Variants in ARAP3 observed in about 807,000 individuals in gnomAD.
ARAP3 encodes arf-GAP with Rho-GAP domain, ANK repeat and PH domain-containing protein 3.
ARAP3 carries 82 observed loss-of-function variants against 169.2 expected under a neutral mutation model. The ratio of observed to expected loss-of-function variants is 0.48; its 90% CI spans 0.41 to 0.58. The LOEUF is 0.58. ARAP3 is among the 20% of genes least tolerant of loss of function. The pLI is 0.00. For synonymous variants in ARAP3, 791 were observed against 800.3 expected (o/e 0.99, Z 0.20); for missense variants, 1,764 against 2,018.0 (o/e 0.87, Z 2.41).
At chr5:141,677,431 C>G (rs2099912324) in intron 4 of ARAP3, among the ~76,000 whole-genome samples, 1 of 152,186 alleles carries the variant, frequency 6.6e-6, no homozygotes, top group Admixed American at 6.5e-5. Context: ...TACTGGTCAG[C>G]ACCAGCTCAG....
chr5:141,674,692 G>A (rs1245109984), intron 4 of ARAP3, among the ~76,000 whole-genome samples: 2 of 152,180 alleles, frequency 1.3e-5, no homozygotes, highest in South Asian at 2.1e-4. Context: ...GTATGACTTG[G>A]ATGGAAAAGA....
At chr5:141,666,049 A>AT (rs1554224237) in intron 17 of ARAP3, among the ~76,000 whole-genome samples, 24 of 145,740 alleles carry the variant, frequency 1.6e-4, no homozygotes, top group Admixed American at 6.2e-4. Flanking sequence ...CAAAAAAAAA[A>AT]AAAAATAATA....
Position 141,664,948 on chromosome 5 carries a change from G to T in ARAP3, c.2774C>A (p.Ala925Asp). The T allele has an allele frequency of 6.2e-7, 1 of 1,610,206 alleles. No homozygotes were observed. Among genetic ancestry groups the T allele is most frequent in the Non-Finnish European group, 8.5e-7 (1 of 1,179,496 alleles). Reference protein sequence around the residue: ...SRGDIPIIVDACISFVTQHGL... With the variant: ...SRGDIPIIVDDCISFVTQHGL... ...ATGCTGGGTAACAAAACTGATGCAGGCATCCACGATGATGGGGATGTCACC... is the reference window on the plus strand; with the variant it reads ...ATGCTGGGTAACAAAACTGATGCAGTCATCCACGATGATGGGGATGTCACC... The change falls in exon 19 of 33, where the codon GCC becomes GAC. Residue 925 changes from alanine (A) to aspartate (D), a missense_variant. Transcript: ENST00000239440.
chr5:141,658,489 G>A lies in ARAP3; in HGVS notation c.3412-10C>T, dbSNP rs768350145. 2 of 1,613,952 alleles carry A rather than the reference G, an allele frequency of 1.2e-6. No homozygotes were observed. The highest frequency in any genetic ancestry group is 1.7e-6 in the Non-Finnish European group (2 of 1,179,976). On this transcript the variant is annotated splice_polypyrimidine_tract_variant and intron_variant, in intron 24 of 32. Coordinates refer to ENST00000239440, the MANE Select transcript of ARAP3 (RefSeq NM_022481.6). ...TCAGGGTTGGGGACACCTGGGGTCA[G>A]GGCAAGAGCAGAGAATTCATGCTGG...
chr5:141,677,577 A>G (rs2099912344), intron 4 of ARAP3, among the ~76,000 whole-genome samples: 1 of 152,084 alleles, frequency 6.6e-6, no homozygotes, highest in Non-Finnish European at 1.5e-5. Context: ...TCTCACCTAC[A>G]TTACTACAAA....
Position 141,671,561 on chromosome 5 carries a change from C to G in ARAP3, c.1854+9G>C. On this transcript the variant is annotated intron_variant, in intron 12 of 32. Coordinates refer to ENST00000239440, the MANE Select transcript of ARAP3 (RefSeq NM_022481.6). The surrounding 1 kb of genome is among the most constrained non-coding windows in gnomAD (Gnocchi z 4.9). ...CCACCCCAGATCACCCCTGCTCTGT[C>G]CCTCCTACCTGGAGAAGCTGGCTAT... 1 of 1,613,834 alleles carries G rather than the reference C, an allele frequency of 6.2e-7. No individual in the cohort carries two copies. The highest frequency in any genetic ancestry group is 8.5e-7 in the Non-Finnish European group (1 of 1,179,874).
Position 141,671,156 on chromosome 5 carries a change from C to A in ARAP3, c.1990+109G>T, listed in dbSNP as rs2099911386. On this transcript the variant is annotated intron_variant, in intron 13 of 32. Transcript: ENST00000239440. The surrounding 1 kb of genome is among the most constrained non-coding windows in gnomAD (Gnocchi z 4.9). ...AGGATCTGAGGGTTTGGGAAACTGC[C>A]CAGGCTGGGCCATTGTGATCAGCTA... 2 of 1,432,044 alleles carry A rather than the reference C, an allele frequency of 1.4e-6. No individual in the cohort carries two copies. The highest frequency in any genetic ancestry group is 1.9e-6 in the Non-Finnish European group (2 of 1,056,656). The allele number at this position is 1,432,044 out of a possible 1,614,324, so 88.7% of individuals were successfully genotyped here. A position where few individuals can be genotyped will look rare whatever the true frequency, so the allele number is the denominator to read the frequency against.
At chr5:141,662,393 G>T (rs1044911291) in intron 19 of ARAP3, 138 bp from the exon 20 acceptor site, 11 of 795,072 alleles carry the variant, frequency 1.4e-5, no homozygotes, top group Non-Finnish European at 2.0e-5. Flanking sequence ...ATGCCTCCAT[G>T]TTCTTGATTC....
Position 141,659,846 on chromosome 5 carries a change from T to A in ARAP3, c.3200A>T (p.Asp1067Val). Residue 1067 changes from aspartate (D) to valine (V), a missense_variant, in exon 22 of 33, where the codon GAT becomes GTT. Asp to Val is a radical substitution (Grantham distance 152). Transcript: ENST00000239440. Reference sequence around the variant, plus strand: ...TCGCACCTCGTGCTCCCCTCGCCCATCCGTCTGGAACACGCTGGGTGCAAA... The same window carrying A: ...TCGCACCTCGTGCTCCCCTCGCCCAACCGTCTGGAACACGCTGGGTGCAAA... ...LLFAPSVFQT[D>V]GRGEHEVRVL... 1 of 1,607,744 alleles carries A rather than the reference T, an allele frequency of 6.2e-7. No individual in the cohort carries two copies. Among genetic ancestry groups the A allele is most frequent in the Non-Finnish European group, 8.5e-7 (1 of 1,177,658 alleles).
At position 141,672,735 on chromosome 5, in the gene ARAP3, C is replaced by T. The variant is rs2099911613; in HGVS notation, c.1278+6G>A. The T allele has an allele frequency of 1.9e-6, 3 of 1,614,212 alleles. No individual in the cohort carries two copies. The African/African-American group carries it at 4.0e-5, about 22-fold the overall frequency. ...GGCCCCTCAGCCCTGGCCCGGCTCTCCTCACCTGCTCACTCTTGTACAGTG... is the reference window on the plus strand; with the variant it reads ...GGCCCCTCAGCCCTGGCCCGGCTCTTCTCACCTGCTCACTCTTGTACAGTG... On this transcript the variant is annotated splice_donor_region_variant and intron_variant, in intron 8 of 32. Coordinates refer to ENST00000239440, the MANE Select transcript of ARAP3 (RefSeq NM_022481.6). This position sits in a 1 kb window ranked among gnomAD's most constrained non-coding sequence, Gnocchi z 4.9.
At chr5:141,658,909 C>T (rs1445446831) in intron 23 of ARAP3, among the ~76,000 whole-genome samples, 15 of 152,166 alleles carry the variant, frequency 9.9e-5, no homozygotes, top group Admixed American at 9.8e-4. Context: ...CTCTCTGCCA[C>T]TCGCTACAGG....
intron 31 of ARAP3, 58 bp downstream of exon 31, chr5:141,655,563 G>A (rs1021915849): frequency 6.2e-7 from 1 of 1,612,360 alleles, no homozygotes; most frequent in African/African-American, 1.3e-5. Flanking sequence ...ACTGCCTACT[G>A]CAATGTGACA....
intron 16 of ARAP3, among the ~76,000 whole-genome samples, chr5:141,667,464 G>C (rs181461789): frequency 6.8e-5 from 9 of 133,182 alleles, no homozygotes; most frequent in Non-Finnish European, 1.3e-4. Context: ...ATGGAGTTTT[G>C]CTCTTCTCTC....
At chr5:141,657,071 T>A (rs1322489574) in intron 25 of ARAP3, among the ~76,000 whole-genome samples, 3 of 152,094 alleles carry the variant, frequency 2.0e-5, no homozygotes, top group Non-Finnish European at 2.9e-5. Context: ...GACAAAAAAA[T>A]AATTGCAGAC....
chr5:141,672,025 G>A lies in ARAP3; in HGVS notation c.1586-45C>T. The A allele has an allele frequency of 6.2e-7, 1 of 1,613,964 alleles. No homozygotes were observed. Among genetic ancestry groups the A allele is most frequent in the Non-Finnish European group, 8.5e-7 (1 of 1,179,924 alleles). ...TGTGAGGGTGTGTGAGGGTGTGAGG[G>A]GCATGTGGCACGGGTACCCTGAGCC... is the stretch of plus-strand genomic sequence containing the variant. On this transcript the variant is annotated intron_variant, in intron 10 of 32. Coordinates refer to ENST00000239440, the MANE Select transcript of ARAP3 (RefSeq NM_022481.6). The surrounding 1 kb of genome is among the most constrained non-coding windows in gnomAD (Gnocchi z 4.9).
At chr5:141,655,184 C>CACACACACACACACACACCCTGATGGCCT (rs2099909067) in intron 32 of ARAP3, among the ~76,000 whole-genome samples, 178 bp downstream of exon 32, 3 of 45,712 alleles carry the variant, frequency 6.6e-5, no homozygotes, top group Non-Finnish European at 1.8e-4. Flanking sequence ...TGATGGCCTA[C>CACACACACACACACACACCCTGATGGCCT]ACACACACAC....
At chr5:141,673,214 A>G (rs1192942122) in intron 6 of ARAP3, 81 bp from the exon 7 acceptor site, 3 of 1,599,920 alleles carry the variant, frequency 1.9e-6, no homozygotes, top group African/African-American at 2.7e-5. Context: ...CCCAGATTTT[A>G]TAAGATTGGC....
Position 141,673,722 on chromosome 5 carries a change from G to A in ARAP3, c.785C>T (p.Thr262Ile), listed in dbSNP as rs2099911759. 3.1e-6 allele frequency: 5 copies of A among 1,614,238 alleles called. No homozygotes were observed. Among genetic ancestry groups the A allele is most frequent in the Non-Finnish European group, 4.2e-6 (5 of 1,180,052 alleles). ...LPGDSTLLSP[T>I]LETEETSDDL... ...ATCACTGGTCTCCTCTGTTTCCAGGGTGGGCGATAAGAGGGTGGAGTCTCC... is the reference window on the plus strand; with the variant it reads ...ATCACTGGTCTCCTCTGTTTCCAGGATGGGCGATAAGAGGGTGGAGTCTCC... Residue 262 changes from threonine to isoleucine, a missense_variant, in exon 5 of 33, where the codon ACC (threonine) becomes ATC (isoleucine). By Grantham distance (89) the Thr-to-Ile change is moderately conservative. This residue lies in a region of ARAP3 where 630 missense variants were observed against 678.7 expected (regional missense o/e 0.93). Coordinates refer to ENST00000239440, the MANE Select transcript of ARAP3 (RefSeq NM_022481.6).
chr5:141,676,564 T>TCAGCAGACC (rs1462777139), intron 4 of ARAP3, among the ~76,000 whole-genome samples: 25 of 152,224 alleles, frequency 1.6e-4, no homozygotes, highest in Middle Eastern at 3.4e-3. Flanking sequence ...GAATTCTAAG[T>TCAGCAGACC]CCTATCATAC....
Sources: gnomAD v4.1 joint callset for allele counts (sites outside exome capture counted in the v4.1 genomes callset) on GRCh38, gnomAD v4.1.1 for gene constraint, gnomAD v4.1.1 regional missense constraint, Gnocchi (gnomAD v3.1) non-coding constraint, MANE v1.5 for transcripts, NCBI Gene and HGNC (gene_info 2026-07-23, HGNC 2026-07-21) for gene names.